Variants in NBPF9 observed in about 807,000 individuals in gnomAD.
NBPF9 encodes the protein NBPF member 9, also known as NBPF family member NBPF9.
Under a neutral mutation model 97.8 loss-of-function variants are expected in NBPF9, and 91 were observed. That is an observed-to-expected ratio of 0.93 (90% confidence interval 0.79 to 1.11). The LOEUF is 1.11. NBPF9 is among the 50% of genes least tolerant of loss of function. The pLI is 0.00. For synonymous variants in NBPF9, 334 were observed against 359.5 expected (o/e 0.93, Z 0.80); for missense variants, 992 against 939.5 (o/e 1.06, Z -0.73).
At position 149,067,901 on chromosome 1, in the gene NBPF9, C is replaced by G. The variant is rs1165982873; in HGVS notation, c.1637+1693G>C. Among the ~76,000 whole-genome samples the G allele has an allele frequency of 8.3e-5, 12 of 144,528 alleles. 1 individual carries two copies. Among genetic ancestry groups the G allele is most frequent in the African/African-American group, 3.2e-4 (12 of 37,206 alleles). 94.8% of individuals were successfully genotyped at this position (144,528 alleles called of 152,430 possible). On this transcript the variant is annotated intron_variant, in intron 17 of 29. Coordinates refer to ENST00000584027, the Ensembl canonical transcript of NBPF9. ...GAATTGCCACACTGCCTTCCACAAT[C>G]GTTGAACTAGTTTACAGTCCCACCA...
At chr1:149,083,438 T>C in intron 5 of NBPF9, among the ~76,000 whole-genome samples, 1 of 120,138 alleles carries the variant, frequency 8.3e-6, no homozygotes. Flanking sequence ...ATGAAAGATG[T>C]AGGCCATTTC....
At chr1:149,061,264 C>A in intron 23 of NBPF9, 68 bp downstream of exon 23, 1 of 355,950 alleles carries the variant, frequency 2.8e-6, no homozygotes, top group Non-Finnish European at 5.1e-6. Flanking sequence ...TCAGCCCGCT[C>A]TGTTTTCCCT....
At chr1:149,064,731 A>G (rs9442126) in intron 18 of NBPF9, 2 of 618,222 alleles carry the variant, frequency 3.2e-6, no homozygotes, top group Non-Finnish European at 5.7e-6. Context: ...TCCTAGGTTT[A>G]TGTACACAAA....
At chr1:149,066,007 T>A in intron 17 of NBPF9, 1 of 513,464 alleles carries the variant, frequency 1.9e-6, no homozygotes, top group Non-Finnish European at 3.5e-6. Flanking sequence ...CTACTTTGCA[T>A]AAATTGGGTT....
chr1:149,084,409 T>A (rs1464957904), intron 5 of NBPF9, among the ~76,000 whole-genome samples: 4 of 147,204 alleles, frequency 2.7e-5, no homozygotes, highest in African/African-American at 1.0e-4. Context: ...ATACAATATA[T>A]ATAACATGTG....
intron 11 of NBPF9, among the ~76,000 whole-genome samples, chr1:149,076,926 T>C (rs1225308228): frequency 2.0e-5 from 3 of 151,398 alleles, no homozygotes; most frequent in African/African-American, 4.8e-5. Flanking sequence ...TCCTGAGCAG[T>C]TGGGACTATA....
chr1:149,082,979 T>TTTTTTTTTTTTTA (rs2080645617), intron 5 of NBPF9, among the ~76,000 whole-genome samples: 1 of 129,982 alleles, frequency 7.7e-6, no homozygotes, highest in African/African-American at 3.0e-5. Flanking sequence ...TTTTTTTTTT[T>TTTTTTTTTTTTTA]TTTGTATTTT....
At chr1:149,088,118 A>G in intron 5 of NBPF9, among the ~76,000 whole-genome samples, 1 of 152,252 alleles carries the variant, frequency 6.6e-6, no homozygotes, top group African/African-American at 2.4e-5. Context: ...GGTGTGAGCC[A>G]CGGTGCCCAG....
At chr1:149,099,838 C>T (rs1455334685) in intron 3 of NBPF9, among the ~76,000 whole-genome samples, 7 of 151,186 alleles carry the variant, frequency 4.6e-5, no homozygotes, top group South Asian at 4.3e-4. Context: ...GAAAATTAGC[C>T]GGGCATAGTG....
At chr1:149,055,880 C>T in exon 30 of NBPF9, 5 of 1,611,106 alleles carry the variant, frequency 3.1e-6, no homozygotes, top group Non-Finnish European at 4.2e-6. Context: ...TCTTCCACTT[C>T]CATCAGCACG....
At position 149,082,297 on chromosome 1, in the gene NBPF9, C is replaced by T. The variant is rs2080541195; in HGVS notation, c.-61G>A. 3.9e-6 allele frequency: 6 copies of T among 1,555,882 alleles called. No individual in the cohort carries two copies. The highest frequency in any genetic ancestry group is 5.2e-6 in the Non-Finnish European group (6 of 1,153,482). ...CTTACTGTTGTGAAAAATGTGATCACTCCCACAGCACTTTAGGATCCTTCA... is the reference window on the plus strand; with the variant it reads ...CTTACTGTTGTGAAAAATGTGATCATTCCCACAGCACTTTAGGATCCTTCA... On this transcript the variant is annotated 5_prime_UTR_variant, in exon 6 of 30. The change creates a new upstream start codon in the 5' untranslated region. Coordinates refer to ENST00000584027, the Ensembl canonical transcript of NBPF9.
intron 14 of NBPF9, among the ~76,000 whole-genome samples, 187 bp from the exon 15 acceptor site, chr1:149,071,863 T>C (rs1553652998): frequency 6.6e-6 from 1 of 151,494 alleles, no homozygotes; most frequent in Non-Finnish European, 1.5e-5. Flanking sequence ...GCATTTCTGA[T>C]CTGGAGGGCC....
At chr1:149,088,293 T>G (rs1416543996) in intron 5 of NBPF9, among the ~76,000 whole-genome samples, 1 of 152,198 alleles carries the variant, frequency 6.6e-6, no homozygotes, top group Non-Finnish European at 1.5e-5. Flanking sequence ...CACTGATTAG[T>G]TCTGGTAGAT....
At chr1:149,062,451 AAGAC>A (rs1430068095) in intron 21 of NBPF9, among the ~76,000 whole-genome samples, 186 bp from the exon 22 acceptor site, 1 of 144,044 alleles carries the variant, frequency 6.9e-6, no homozygotes, top group African/African-American at 2.6e-5. Flanking sequence ...ATGAAAGAGA[AAGAC>A]AGGGAGAGGG....
chr1:149,089,465 C>T (rs2081267911), intron 5 of NBPF9, among the ~76,000 whole-genome samples: 1 of 152,284 alleles, frequency 6.6e-6, no homozygotes, highest in Non-Finnish European at 1.5e-5. Context: ...CCATCGGGTG[C>T]CCCCATTGCT....
At chr1:149,099,401 G>A (rs1371350605) in intron 3 of NBPF9, among the ~76,000 whole-genome samples, 3 of 151,802 alleles carry the variant, frequency 2.0e-5, no homozygotes, top group Non-Finnish European at 2.9e-5. Flanking sequence ...TTGTTAGATG[G>A]TGAAAACTGT....
At chr1:149,060,043 T>C (rs2152867139) in intron 24 of NBPF9, 1 of 352,790 alleles carries the variant, frequency 2.8e-6, no homozygotes, top group East Asian at 3.4e-5. Flanking sequence ...CCAATATCAT[T>C]GGTCCCAAAT....
rs76593890 is a variant in NBPF9, at chr1:149,063,675, C to T, written c.1984G>A (p.Val662Ile). ...AAGCCAACACGCTGTTGCTCCAATACGTAAAAGGCACTTCTGTAGGGCTGG... is the reference window on the plus strand; with the variant it reads ...AAGCCAACACGCTGTTGCTCCAATATGTAAAAGGCACTTCTGTAGGGCTGG... Residue 662 changes from valine (V) to isoleucine (I), a missense_variant, in exon 20 of 30, where the codon GTA becomes ATA. Coordinates refer to ENST00000584027, the Ensembl canonical transcript of NBPF9. 110 of 612,546 alleles carry T rather than the reference C, an allele frequency of 1.8e-4. 1 individual carries two copies. Among genetic ancestry groups the T allele is most frequent in the East Asian group, 4.9e-4 (16 of 32,944 alleles). The allele number at this position is 612,546 out of a possible 1,614,324, so 37.9% of individuals were successfully genotyped here. A position where few individuals can be genotyped will look rare whatever the true frequency, so the allele number is the denominator to read the frequency against.
intron 14 of NBPF9, among the ~76,000 whole-genome samples, 172 bp downstream of exon 14, chr1:149,072,546 C>A (rs1457520991): frequency 3.0e-4 from 46 of 152,258 alleles, no homozygotes; most frequent in South Asian, 6.2e-4. Context: ...TGACCTCCAA[C>A]CCCATGGGTT....
Sources: allele counts gnomAD v4.1 joint callset (sites outside exome capture counted in the v4.1 genomes callset), GRCh38; gene constraint gnomAD v4.1.1; transcripts MANE v1.5; gene names NCBI Gene and HGNC (gene_info 2026-07-23, HGNC 2026-07-21).